EHMT1: variants seen among roughly 807,000 people sequenced by gnomAD.
EHMT1 encodes the protein euchromatic histone lysine methyltransferase 1, also known as histone-lysine N-methyltransferase EHMT1.
In EHMT1, 15 loss-of-function variants were observed where a neutral mutation model predicts 147.2. That is an observed-to-expected ratio of 0.10 (90% CI 0.07 to 0.16). The LOEUF (loss-of-function observed/expected upper bound fraction) is 0.16, where lower values mean the gene tolerates loss of function less well. Ranked by LOEUF, EHMT1 falls within the 10% of genes least tolerant of loss-of-function variation. The pLI, the probability that EHMT1 is intolerant of heterozygous loss-of-function variation, is 1.00. For missense variants in EHMT1, 1,587 were observed against 1,772.4 expected, an observed-to-expected ratio of 0.90 and a Z score of 1.88; for synonymous variants, 795 against 709.6, an observed-to-expected ratio of 1.12 and a Z score of -1.91.
At chr9:137,668,414 CCCAT>C (rs947233146) in intron 1 of EHMT1, among the ~76,000 whole-genome samples, 2 of 152,044 alleles carry the variant, frequency 1.3e-5, no homozygotes, top group African/African-American at 4.8e-5. Context: ...TCACCACCCA[CCCAT>C]CCATTTATTT....
chr9:137,814,572 C>T, intron 22 of EHMT1, 64 bp downstream of exon 22: 1 of 1,557,600 alleles, frequency 6.4e-7, no homozygotes, highest in African/African-American at 1.3e-5. Context: ...TCTGCAAAAA[C>T]AGTGCAGGCG....
chr9:137,625,628 G>A (rs1047935634), intron 1 of EHMT1, among the ~76,000 whole-genome samples: 6 of 151,554 alleles, frequency 4.0e-5, no homozygotes, highest in Admixed American at 1.3e-4. Flanking sequence ...GTGAGCCACC[G>A]TGTGTGGCCG....
rs1469434159 is a variant in EHMT1, at chr9:137,634,700, CTTCT to C, written c.21+15658_21+15661del. On this transcript the variant is annotated intron_variant, in intron 1 of 26. Coordinates refer to ENST00000460843, the MANE Select transcript of EHMT1 (RefSeq NM_024757.5). ...TGCTTTTTCTTTCTTTTCTTTCTTT[CTTCT>C]TTCTTTTTTTTTTTTTTTGACAGAG... Among the ~76,000 whole-genome samples the C allele has an allele frequency of 4.2e-4, 56 of 132,664 alleles. No individual in the cohort carries two copies. The Middle Eastern group carries it at 0.014, about 34-fold the overall frequency. The allele number at this position is 132,664 out of a possible 152,430, so 87.0% of individuals were successfully genotyped here.
intron 4 of EHMT1, among the ~76,000 whole-genome samples, chr9:137,736,952 A>G (rs1270609488): frequency 6.6e-6 from 1 of 152,136 alleles, no homozygotes; most frequent in East Asian, 1.9e-4. Flanking sequence ...CCTGTCATCC[A>G]TGCACTTTGA....
At chr9:137,764,429 A>T (rs543295674) in intron 10 of EHMT1, 2 of 152,144 alleles carry the variant, frequency 1.3e-5, no homozygotes, top group Non-Finnish European at 2.9e-5. Flanking sequence ...AGAACTTTCC[A>T]TAGTGACAAG....
At chr9:137,641,585 C>T (rs1432020776) in intron 1 of EHMT1, 1 of 282,420 alleles carries the variant, frequency 3.5e-6, no homozygotes, top group African/African-American at 2.3e-5. Context: ...TGTTCGCTCT[C>T]CCAGTCCGCT....
At chr9:137,636,716 T>C (rs141482023) in intron 1 of EHMT1, among the ~76,000 whole-genome samples, 190 of 152,290 alleles carry the variant, frequency 1.2e-3, no homozygotes, top group Non-Finnish European at 2.0e-3. Context: ...CAACCAGCCC[T>C]GCGTTTCTGC....
intron 2 of EHMT1, 63 bp downstream of exon 2, chr9:137,711,093 C>T (rs1944670207): frequency 1.3e-6 from 2 of 1,495,542 alleles, no homozygotes; most frequent in Non-Finnish European, 1.8e-6. Flanking sequence ...AAACCTGCTG[C>T]TCTTCCTCTC....
intron 1 of EHMT1, among the ~76,000 whole-genome samples, chr9:137,677,890 C>A (rs1383583815): frequency 6.7e-6 from 1 of 149,106 alleles, no homozygotes; most frequent in African/African-American, 2.5e-5. Flanking sequence ...AACCCCGTCT[C>A]GACTAAAAAT....
chr9:137,813,698 G>A lies in EHMT1; in HGVS notation c.3180+168G>A, dbSNP rs572446114. ...GTTGCCTCCCGTGAAAGAGCTGGAA[G>A]GCAGATAAAGGTTCTGTCAGGCCCA... On this transcript the variant is annotated intron_variant, in intron 21 of 26. Transcript: ENST00000460843. The surrounding 1 kb of genome is among the most constrained non-coding windows in gnomAD (Gnocchi z 4.9). 1.3e-5 allele frequency among the ~76,000 whole-genome samples: 2 copies of A among 152,282 alleles called. No homozygotes were observed. Among genetic ancestry groups the A allele is most frequent in the East Asian group, 3.9e-4 (2 of 5,170 alleles).
At chr9:137,685,692 C>G (rs755273564) in intron 1 of EHMT1, among the ~76,000 whole-genome samples, 1 of 152,166 alleles carries the variant, frequency 6.6e-6, no homozygotes, top group Non-Finnish European at 1.5e-5. Flanking sequence ...ATTAGCAATA[C>G]ATGAGGGTTC....
At chr9:137,724,897 ATGTGGCATTCGTTGGGCATTCG>A (rs145004514) in intron 3 of EHMT1, among the ~76,000 whole-genome samples, 23,131 of 118,896 alleles carry the variant, frequency 0.19, 2,433 homozygotes, top group Admixed American at 0.34. Context: ...CGTGGGACAG[ATGTGGCATTCGTTGGGCATTCG>A]TGTGGCAGGC....
chr9:137,743,994 G>T lies in EHMT1; in HGVS notation c.1074G>T (p.Glu358Asp). 1 of 1,614,132 alleles carries T rather than the reference G, an allele frequency of 6.2e-7. No individual in the cohort carries two copies. The highest frequency in any genetic ancestry group is 8.5e-7 in the Non-Finnish European group (1 of 1,180,020). The change falls in exon 6 of 27, where the codon GAG becomes GAT. Residue 358 changes from glutamate (E) to aspartate (D), a missense_variant. Physicochemically the swap from Glu to Asp is conservative, Grantham distance 45 (BLOSUM62 2). Coordinates refer to ENST00000460843, the MANE Select transcript of EHMT1 (RefSeq NM_024757.5). ...SDEDDSEELE[E>D]DDGHGAEQAA... ...AGGACGACTCAGAGGAGCTCGAGGA[G>T]GACGACGGCCATGGTGCAGAGCAGG... is the stretch of plus-strand genomic sequence containing the variant.
At chr9:137,769,079 G>A (rs1950431726) in intron 10 of EHMT1, among the ~76,000 whole-genome samples, 1 of 152,140 alleles carries the variant, frequency 6.6e-6, no homozygotes. Context: ...TGTTTTGAAT[G>A]GTTTCCCTGG....
chr9:137,718,508 AT>A (rs1945583678), intron 3 of EHMT1, among the ~76,000 whole-genome samples: 1 of 151,878 alleles, frequency 6.6e-6, no homozygotes, highest in African/African-American at 2.4e-5. Flanking sequence ...CAATTGGAGG[AT>A]TTGTGTCTTC....
intron 1 of EHMT1, among the ~76,000 whole-genome samples, chr9:137,621,249 G>T (rs759297591): frequency 3.3e-5 from 5 of 152,232 alleles, no homozygotes; most frequent in Non-Finnish European, 7.3e-5. Context: ...CAGTAGGTAG[G>T]CATGTGATCA....
At chr9:137,689,097 T>G (rs1300653943) in intron 1 of EHMT1, among the ~76,000 whole-genome samples, 1 of 152,198 alleles carries the variant, frequency 6.6e-6, no homozygotes, top group African/African-American at 2.4e-5. Context: ...AGTGACTGAT[T>G]GTGACTACTT....
rs763562241 is a variant in EHMT1 at position 137,716,874 on chromosome 9, G to A, written c.334G>A (p.Asp112Asn). 9.3e-6 allele frequency: 15 copies of A among 1,613,146 alleles called. No individual in the cohort carries two copies. Among genetic ancestry groups the A allele is most frequent in the African/African-American group, 6.7e-5 (5 of 74,898 alleles). The change falls in exon 3 of 27, where the codon GAC (aspartate) becomes AAC (asparagine). Residue 112 changes from aspartate to asparagine, a missense_variant. Around this residue, in one of 7 missense-constraint regions of EHMT1, gnomAD observed 810 missense variants for 673.0 expected, o/e 1.20. Transcript: ENST00000460843. Reference protein sequence around the residue: ...EAAKQNHVTADDFVQTSVIGS... With the variant: ...EAAKQNHVTANDFVQTSVIGS... ...GGCGAAGCAAAACCACGTCACTGCC[G>A]ACGACTTTGTGCAGACTTCTGTCAT...
intron 1 of EHMT1, among the ~76,000 whole-genome samples, chr9:137,698,442 G>T (rs535959880): frequency 2.6e-5 from 4 of 152,338 alleles, no homozygotes; most frequent in African/African-American, 9.6e-5. Context: ...TCTTTAGTGG[G>T]TGAGAAAGTC....
Sources: gnomAD v4.1 joint callset for allele counts (sites outside exome capture counted in the v4.1 genomes callset) on GRCh38, gnomAD v4.1.1 for gene constraint, gnomAD v4.1.1 regional missense constraint, Gnocchi (gnomAD v3.1) non-coding constraint, MANE v1.5 for transcripts, NCBI Gene and HGNC (gene_info 2026-07-23, HGNC 2026-07-21) for gene names.